WSB1: variants seen among roughly 807,000 people sequenced by gnomAD.
The protein encoded by WSB1 is WD repeat and SOCS box containing 1.
Under a neutral mutation model 50.2 loss-of-function variants are expected in WSB1, and 23 were observed. The ratio of observed to expected loss-of-function variants is 0.46; its 90% confidence interval spans 0.33 to 0.65. WSB1 has a LOEUF of 0.65. Among genes scored for constraint, WSB1 ranks in the 30% least tolerant of loss-of-function variants. The pLI is 0.02. For missense variants in WSB1, 492 were observed against 522.3 expected, an observed-to-expected ratio of 0.94 and a Z score of 0.56; for synonymous variants, 179 against 172.0, an observed-to-expected ratio of 1.04 and a Z score of -0.32.
At chr17:27,312,063 C>T (rs2017706119) in intron 8 of WSB1, 147 bp from the exon 9 acceptor site, 2 of 940,722 alleles carry the variant, frequency 2.1e-6, no homozygotes, top group Middle Eastern at 3.3e-4. Context: ...TCATGGAATA[C>T]ATCATTGGTT....
At chr17:27,309,018 A>C (rs1410895817) in intron 5 of WSB1, 82 bp from the exon 6 acceptor site, 10 of 1,431,706 alleles carry the variant, frequency 7.0e-6, no homozygotes, top group Non-Finnish European at 8.3e-6. Context: ...TCTTAATTAA[A>C]TTTAGCAGTT....
intron 1 of WSB1, among the ~76,000 whole-genome samples, chr17:27,300,550 T>C (rs1209669108): frequency 2.0e-5 from 3 of 152,182 alleles, no homozygotes; most frequent in Non-Finnish European, 4.4e-5. Flanking sequence ...ATTTGAGTAA[T>C]CTGAATTTAA....
chr17:27,311,363 T>A, intron 7 of WSB1, 146 bp from the exon 8 acceptor site: 1 of 566,168 alleles, frequency 1.8e-6, no homozygotes, highest in Non-Finnish European at 3.0e-6. Flanking sequence ...TTTGTAATTG[T>A]ATAAAGCAAG....
intron 5 of WSB1, chr17:27,307,262 C>T (rs1317338685): frequency 9.3e-6 from 2 of 215,380 alleles, no homozygotes; most frequent in South Asian, 8.3e-5. Flanking sequence ...TGAGTCCCAG[C>T]TGGTCCTGTA....
At chr17:27,296,544 T>C (rs2016989617) in intron 1 of WSB1, among the ~76,000 whole-genome samples, 1 of 152,210 alleles carries the variant, frequency 6.6e-6, no homozygotes, top group Non-Finnish European at 1.5e-5. Flanking sequence ...AAGATTTCCA[T>C]GAATGATTAA....
In WSB1 at chr17:27,310,083, C is replaced by T. The variant is rs1298664739; in HGVS notation, c.907C>T (p.Pro303Ser). Residue 303 changes from proline to serine, a missense_variant, in exon 7 of 9, where the codon CCA becomes TCA. Coordinates refer to ENST00000262394, the MANE Select transcript of WSB1 (RefSeq NM_015626.10). ...CAGGCACCTGTTTCCCCCACCTACT[C>T]CAATATTTGCTGGAGGAGCAAATGA... Reference protein sequence around the residue: ...EFGHLFPPPTPIFAGGANDRW... With the variant: ...EFGHLFPPPTSIFAGGANDRW... 1.9e-6 allele frequency: 3 copies of T among 1,613,958 alleles called. No individual in the cohort carries two copies. Among genetic ancestry groups the T allele is most frequent in the Non-Finnish European group, 2.5e-6 (3 of 1,179,970 alleles).
At chr17:27,302,538 T>A (rs1386438997) in intron 2 of WSB1, 1 of 152,236 alleles carries the variant, frequency 6.6e-6, no homozygotes, top group Non-Finnish European at 1.5e-5. Flanking sequence ...AGGTGACTTC[T>A]GTGATGTGAA....
At chr17:27,307,723 T>C in intron 5 of WSB1, 1 of 1,534,730 alleles carries the variant, frequency 6.5e-7, no homozygotes, top group Non-Finnish European at 8.7e-7. Context: ...TTCCATATGC[T>C]TCTTGCTTTC....
At position 27,312,062 on chromosome 17, in the gene WSB1, AC is replaced by A; in HGVS notation, c.1107-147del. On this transcript the variant is annotated intron_variant, in intron 8 of 8. Transcript: ENST00000262394. The stretch of plus-strand genomic sequence containing the variant: ...TAGTAGTGTTACCTTGTCATGGAAT[AC>A]ATCATTGGTTAGTTCTTCCTGGTTG... 5.4e-6 allele frequency: 5 copies of A among 929,088 alleles called. No homozygotes were observed. In the South Asian group the frequency reaches 7.2e-5, roughly 13 times the overall value. 57.6% of individuals were successfully genotyped at this position (929,088 alleles called of 1,614,324 possible).
chr17:27,305,786 G>A lies in WSB1; in HGVS notation c.610+875G>A, dbSNP rs545424856. On this transcript the variant is annotated intron_variant, in intron 4 of 8. Transcript: ENST00000262394. ...GTTTTATCTGCTCAGCTGTTGAGGT[G>A]CAAAGGGATGCCAACAGTTGAAATA... Among the ~76,000 whole-genome samples the A allele has an allele frequency of 7.1e-4, 108 of 152,336 alleles. 2 individuals are homozygous for A. The South Asian group carries it at 0.022, about 30-fold the overall frequency.
chr17:27,306,110 G>A (rs1169121735), intron 4 of WSB1, among the ~76,000 whole-genome samples: 1 of 151,594 alleles, frequency 6.6e-6, no homozygotes, highest in African/African-American at 2.4e-5. Context: ...GAATGAAAAG[G>A]CATTTTGAAG....
chr17:27,303,516 C>G lies in WSB1; in HGVS notation c.359C>G (p.Pro120Arg). ...AGTCTTGCTTTTGGGTCATCAGTTC[C>G]AGAAAAACAGAGTCGCTGTGTAAAT... ...VWSLAFGSSV[P>R]EKQSRCVNIE... The change falls in exon 3 of 9, where the codon CCA becomes CGA. Residue 120 changes from proline to arginine, a missense_variant. Coordinates refer to ENST00000262394, the MANE Select transcript of WSB1 (RefSeq NM_015626.10). The G allele has an allele frequency of 6.2e-7, 1 of 1,614,096 alleles. No homozygotes were observed. Among genetic ancestry groups the G allele is most frequent in the Non-Finnish European group, 8.5e-7 (1 of 1,180,022 alleles).
intron 2 of WSB1, 176 bp downstream of exon 2, chr17:27,302,132 C>T (rs569387879): frequency 1.5e-5 from 12 of 811,836 alleles, no homozygotes; most frequent in Admixed American, 7.7e-5. Flanking sequence ...TTCTTTGGGC[C>T]GGGCGCGGCG....
intron 1 of WSB1, among the ~76,000 whole-genome samples, chr17:27,295,953 T>A (rs1449236417): frequency 3.3e-5 from 5 of 151,992 alleles, no homozygotes; most frequent in African/African-American, 4.8e-5. Context: ...TTCTCCTCCC[T>A]CAGCCTCCTG....
Position 27,313,700 on chromosome 17 carries a change from G to A in WSB1, c.*1331G>A, listed in dbSNP as rs780187618. 4 of 152,088 alleles carry A rather than the reference G, an allele frequency of 2.6e-5. No homozygotes were observed. The highest frequency in any genetic ancestry group is 4.4e-5 in the Non-Finnish European group (3 of 68,014). The allele number at this position is 152,088 out of a possible 1,614,324, so 9.4% of individuals were successfully genotyped here. A position where few individuals can be genotyped will look rare whatever the true frequency, so the allele number is the denominator to read the frequency against. On this transcript the variant is annotated 3_prime_UTR_variant, in exon 9 of 9. Coordinates refer to ENST00000262394, the MANE Select transcript of WSB1 (RefSeq NM_015626.10). ...TTCTCTCTGTCTCCATTGTAAGGTT[G>A]ATGGTACACCACAGGCAAATTAAGC...
At chr17:27,300,697 T>G (rs1236475057) in intron 1 of WSB1, among the ~76,000 whole-genome samples, 4 of 112,766 alleles carry the variant, frequency 3.5e-5, no homozygotes, top group Admixed American at 3.3e-4. Context: ...GTTTTTTTTG[T>G]TTTTTTTTTT....
At chr17:27,310,196 T>G (rs1179762674) in intron 7 of WSB1, 22 bp downstream of exon 7, 1 of 1,601,552 alleles carries the variant, frequency 6.2e-7, no homozygotes, top group South Asian at 1.1e-5. Context: ...CATTATAGCT[T>G]GACTGACTTA....
At chr17:27,306,251 C>A (rs1196721305) in intron 4 of WSB1, among the ~76,000 whole-genome samples, 3 of 112,206 alleles carry the variant, frequency 2.7e-5, no homozygotes, top group Non-Finnish European at 5.0e-5. Flanking sequence ...CTCGCTCTTT[C>A]GCCCAGGCTG....
At chr17:27,310,024 T>C in intron 6 of WSB1, 37 bp from the exon 7 acceptor site, 1 of 1,578,176 alleles carries the variant, frequency 6.3e-7, no homozygotes, top group East Asian at 2.2e-5. Context: ...TTTCTTGAAG[T>C]GACTGATATC....
Sources: gnomAD v4.1 joint callset for allele counts (sites outside exome capture counted in the v4.1 genomes callset) on GRCh38, gnomAD v4.1.1 for gene constraint, MANE v1.5 for transcripts, NCBI Gene and HGNC (gene_info 2026-07-23, HGNC 2026-07-21) for gene names.